GRIN2B: variants seen among roughly 807,000 people sequenced by gnomAD.
GRIN2B encodes glutamate receptor ionotropic, NMDA 2B.
In GRIN2B, 5 loss-of-function variants were observed where a neutral mutation model predicts 114.5. The observed-to-expected ratio is 0.04, with a 90% CI of 0.02 to 0.09. The LOEUF is 0.09. GRIN2B is among the 10% of genes least tolerant of loss of function. The pLI, the probability that GRIN2B is intolerant of heterozygous loss-of-function variation, is 1.00. For synonymous variants in GRIN2B, 787 were observed against 745.1 expected, an observed-to-expected ratio of 1.06 and a Z score of -0.92; for missense variants, 1,108 against 1,943.5, an observed-to-expected ratio of 0.57 and a Z score of 8.08.
chr12:13,577,962 T>G (rs78859760), intron 10 of GRIN2B, among the ~76,000 whole-genome samples: 1,750 of 152,360 alleles, frequency 0.011, 28 homozygotes, highest in African/African-American at 0.039. Flanking sequence ...TGGTGTTTAT[T>G]GTGTACAGAG....
chr12:13,708,192 A>G (rs1476395863), intron 4 of GRIN2B, among the ~76,000 whole-genome samples: 1 of 152,144 alleles, frequency 6.6e-6, no homozygotes, highest in Non-Finnish European at 1.5e-5. Context: ...GCTGGCAATT[A>G]TAAGATTCTC....
intron 3 of GRIN2B, among the ~76,000 whole-genome samples, chr12:13,791,318 G>A (rs1209495979): frequency 6.6e-6 from 1 of 151,926 alleles, no homozygotes; most frequent in Admixed American, 6.6e-5. Flanking sequence ...TGGGTGTGGT[G>A]GCGGGCGCCT....
intron 2 of GRIN2B, among the ~76,000 whole-genome samples, chr12:13,907,216 C>A (rs190515223): frequency 1.3e-5 from 2 of 152,160 alleles, no homozygotes; most frequent in Non-Finnish European, 2.9e-5. Context: ...GAGGGCCGGG[C>A]GTGGTGGCTC....
At position 13,553,183 on chromosome 12, in the gene GRIN2B, A is replaced by G. The variant is rs1202702950; in HGVS notation, c.*9600T>C. The G allele has an allele frequency of 6.6e-6, 1 of 152,296 alleles. No homozygotes were observed. The highest frequency in any genetic ancestry group is 1.5e-5 in the Non-Finnish European group (1 of 68,096). 9.4% of individuals were successfully genotyped at this position (152,296 alleles called of 1,614,324 possible). On this transcript the variant is annotated 3_prime_UTR_variant, in exon 14 of 14. Coordinates refer to ENST00000609686, the MANE Select transcript of GRIN2B (RefSeq NM_000834.5). ...AGAAAGAATGATTGATAGATTGCTA[A>G]GTAGAGCCAAGAGAGGAGGAGGAAG...
At position 13,777,176 on chromosome 12, in the gene GRIN2B, C is replaced by T. The variant is rs1591724738; in HGVS notation, c.412-23261G>A. ...GCCCACATCCCCTTTGGAATGTCCCCTCCTGGTACTAGAAACGCAAGGGCC... is the reference window on the plus strand; with the variant it reads ...GCCCACATCCCCTTTGGAATGTCCCTTCCTGGTACTAGAAACGCAAGGGCC... On this transcript the variant is annotated intron_variant, in intron 3 of 13. Transcript: ENST00000609686. Among the ~76,000 whole-genome samples, 4 of 152,144 alleles carry T rather than the reference C, an allele frequency of 2.6e-5. No homozygotes were observed. The South Asian group carries it at 8.3e-4, about 32-fold the overall frequency.
intron 3 of GRIN2B, among the ~76,000 whole-genome samples, chr12:13,763,676 G>A (rs1258245309): frequency 6.6e-6 from 1 of 152,122 alleles, no homozygotes; most frequent in Non-Finnish European, 1.5e-5. Context: ...TCCCACCAAG[G>A]GGGTTATCTG....
At chr12:13,794,301 G>T (rs1864377822) in intron 3 of GRIN2B, among the ~76,000 whole-genome samples, 1 of 152,026 alleles carries the variant, frequency 6.6e-6, no homozygotes, top group South Asian at 2.1e-4. Flanking sequence ...GGAAAGCAGA[G>T]TAGTTTCCCC....
chr12:13,832,484 G>A (rs1042012159), intron 3 of GRIN2B, among the ~76,000 whole-genome samples: 3 of 152,292 alleles, frequency 2.0e-5, no homozygotes, highest in Non-Finnish European at 4.4e-5. Flanking sequence ...GGAGTTTGAA[G>A]TCTAGAGTCT....
rs1474222555 is a variant in GRIN2B at position 13,551,493 on chromosome 12, T to G, written c.*11290A>C. 6.6e-6 allele frequency: 1 copy of G among 152,182 alleles called. No homozygotes were observed. The highest frequency in any genetic ancestry group is 1.5e-5 in the Non-Finnish European group (1 of 68,008). The allele number at this position is 152,182 out of a possible 1,614,324, so 9.4% of individuals were successfully genotyped here. ...TGCCTTCACATGAAGCCTGAATATT[T>G]CTGTCAAACCTTGAGGGATCAATGA... On this transcript the variant is annotated 3_prime_UTR_variant, in exon 14 of 14. Transcript: ENST00000609686.
At chr12:13,784,596 C>T (rs933879206) in intron 3 of GRIN2B, among the ~76,000 whole-genome samples, 4 of 152,168 alleles carry the variant, frequency 2.6e-5, no homozygotes, top group East Asian at 1.9e-4. Flanking sequence ...GGCCTAAAGA[C>T]TCATCTTGGC....
At chr12:13,750,333 G>T (rs984480645) in intron 4 of GRIN2B, among the ~76,000 whole-genome samples, 1 of 152,178 alleles carries the variant, frequency 6.6e-6, no homozygotes, top group East Asian at 1.9e-4. Flanking sequence ...AACCAATTGC[G>T]ATTTCAGAGA....
chr12:13,671,346 C>G (rs1258483749), intron 5 of GRIN2B, among the ~76,000 whole-genome samples: 1 of 152,128 alleles, frequency 6.6e-6, no homozygotes, highest in Non-Finnish European at 1.5e-5. Flanking sequence ...TGATAAATGG[C>G]AACATGGAGA....
chr12:13,668,812 C>G (rs1591667308), intron 5 of GRIN2B, among the ~76,000 whole-genome samples: 1 of 151,520 alleles, frequency 6.6e-6, no homozygotes, highest in East Asian at 1.9e-4. Flanking sequence ...TTTTGTTTTT[C>G]CCAGCCACCA....
chr12:13,753,802 A>G lies in GRIN2B; in HGVS notation c.525T>C (p.Tyr175=). The G allele has an allele frequency of 1.2e-6, 2 of 1,613,602 alleles. No homozygotes were observed. Among genetic ancestry groups the G allele is most frequent in the Non-Finnish European group, 1.7e-6 (2 of 1,179,626 alleles). Residue 175 remains tyrosine (Y), a synonymous_variant, in exon 4 of 14, where the codon TAT becomes TAC. Coordinates refer to ENST00000609686, the MANE Select transcript of GRIN2B (RefSeq NM_000834.5). This position sits in a 1 kb window ranked among gnomAD's most constrained non-coding sequence, Gnocchi z 6.2. ...DWYIFSIVTT[Y]FPGYQDFVNK... ...TTACAAAGTCCTGGTAGCCAGGGAAATAGGTGGTGACGATAGAAAAGATGT... is the reference window on the plus strand; with the variant it reads ...TTACAAAGTCCTGGTAGCCAGGGAAGTAGGTGGTGACGATAGAAAAGATGT...
chr12:13,824,643 A>G (rs1012256770), intron 3 of GRIN2B, among the ~76,000 whole-genome samples: 3 of 152,074 alleles, frequency 2.0e-5, no homozygotes, highest in Admixed American at 1.3e-4. Flanking sequence ...TCACAAGGTC[A>G]GGAGTTTGAG....
chr12:13,639,972 GAT>G (rs1381637341), intron 5 of GRIN2B, among the ~76,000 whole-genome samples: 1 of 152,082 alleles, frequency 6.6e-6, no homozygotes, highest in African/African-American at 2.4e-5. Context: ...AAAAAATAGA[GAT>G]GTTGAAGTCA....
Position 13,556,383 on chromosome 12 carries a change from A to G in GRIN2B, c.*6400T>C, listed in dbSNP as rs1948479589. 1 of 152,178 alleles carries G rather than the reference A, an allele frequency of 6.6e-6. No individual in the cohort carries two copies. Among genetic ancestry groups the G allele is most frequent in the Non-Finnish European group, 1.5e-5 (1 of 68,020 alleles). The allele number at this position is 152,178 out of a possible 1,614,324, so 9.4% of individuals were successfully genotyped here. ...GCTTTCATATATTCTACGTGAGTAC[A>G]ATATACTCCATTTTGAAACCTTTTA... On this transcript the variant is annotated 3_prime_UTR_variant, in exon 14 of 14. Coordinates refer to ENST00000609686, the MANE Select transcript of GRIN2B (RefSeq NM_000834.5).
intron 4 of GRIN2B, among the ~76,000 whole-genome samples, chr12:13,733,272 G>T (rs1036176023): frequency 6.8e-6 from 1 of 147,090 alleles, no homozygotes; most frequent in Non-Finnish European, 1.5e-5. Flanking sequence ...TTAGGTAAAA[G>T]AAGTTGACCC....
chr12:13,975,408 T>C (rs1200336956), intron 2 of GRIN2B, among the ~76,000 whole-genome samples: 1 of 152,252 alleles, frequency 6.6e-6, no homozygotes, highest in Non-Finnish European at 1.5e-5. Flanking sequence ...CATTTCACTC[T>C]AATCAATGGC....
Sources: gnomAD v4.1 joint callset for allele counts (sites outside exome capture counted in the v4.1 genomes callset) on GRCh38, gnomAD v4.1.1 for gene constraint, Gnocchi (gnomAD v3.1) non-coding constraint, MANE v1.5 for transcripts, NCBI Gene and HGNC (gene_info 2026-07-23, HGNC 2026-07-21) for gene names.